The following IGF2BP3 variants were observed in gnomAD, a reference collection of about 807,000 sequenced individuals.
IGF2BP3 encodes the protein insulin like growth factor 2 mRNA binding protein 3.
IGF2BP3 carries 9 observed loss-of-function variants against 73.8 expected under a neutral mutation model. The observed-to-expected ratio is 0.12, with a 90% confidence interval of 0.07 to 0.21. IGF2BP3 has a LOEUF of 0.21. Among genes scored for constraint, IGF2BP3 ranks in the 10% least tolerant of loss-of-function variants. The pLI, the probability that IGF2BP3 is intolerant of heterozygous loss-of-function variation, is 1.00. For synonymous variants in IGF2BP3, 258 were observed against 256.7 expected (o/e 1.01, Z -0.05); for missense variants, 542 against 714.0 (o/e 0.76, Z 2.75).
At chr7:23,439,030 T>C (rs1324409760) in intron 2 of IGF2BP3, among the ~76,000 whole-genome samples, 2 of 151,106 alleles carry the variant, frequency 1.3e-5, no homozygotes, top group Admixed American at 6.6e-5. Context: ...ATCACTTCAG[T>C]CCAGGAGCTA....
chr7:23,357,937 C>T (rs889736259), intron 5 of IGF2BP3, among the ~76,000 whole-genome samples: 8 of 152,218 alleles, frequency 5.3e-5, no homozygotes, highest in Non-Finnish European at 1.0e-4. Context: ...TGCCTGGCTC[C>T]TCAGCATCAG....
At position 23,314,406 on chromosome 7, in the gene IGF2BP3, G is replaced by A. The variant is rs113703090; in HGVS notation, c.1396-753C>T. ...TCACCATGTTGGTCAGGCTGGTCTCGAACTCCTGACTTCAAGTGATGTGCC... is the reference window on the plus strand; with the variant it reads ...TCACCATGTTGGTCAGGCTGGTCTCAAACTCCTGACTTCAAGTGATGTGCC... On this transcript the variant is annotated intron_variant, in intron 12 of 14. Transcript: ENST00000258729. 0.011 allele frequency among the ~76,000 whole-genome samples: 1,608 copies of A among 151,558 alleles called. 75 individuals carry two copies. In the East Asian group the frequency reaches 0.16, roughly 15 times the overall value.
At chr7:23,450,866 T>C (rs970187131) in intron 2 of IGF2BP3, 3 of 152,184 alleles carry the variant, frequency 2.0e-5, no homozygotes, top group African/African-American at 7.2e-5. Flanking sequence ...CATAGTGAGA[T>C]CCTGTCTCAA....
chr7:23,416,605 A>G (rs1315372423), intron 3 of IGF2BP3, among the ~76,000 whole-genome samples: 1 of 152,284 alleles, frequency 6.6e-6, no homozygotes, highest in African/African-American at 2.4e-5. Context: ...TAGAAGGTAC[A>G]TAAGGTCCGG....
At chr7:23,336,122 C>G (rs1174652783) in intron 10 of IGF2BP3, among the ~76,000 whole-genome samples, 2 of 150,138 alleles carry the variant, frequency 1.3e-5, no homozygotes, top group African/African-American at 4.9e-5. Context: ...TGCTACAAAG[C>G]AGGAATGAGA....
intron 10 of IGF2BP3, among the ~76,000 whole-genome samples, 188 bp downstream of exon 10, chr7:23,341,876 G>C (rs1368410515): frequency 6.6e-6 from 1 of 152,120 alleles, no homozygotes; most frequent in Admixed American, 6.6e-5. Context: ...GAAAACACAT[G>C]TTGACAACCC....
intron 2 of IGF2BP3, among the ~76,000 whole-genome samples, chr7:23,428,150 T>G (rs1787565928): frequency 6.6e-6 from 1 of 151,940 alleles, no homozygotes; most frequent in African/African-American, 2.4e-5. Flanking sequence ...CACTCCCGCC[T>G]TAAGAGACAG....
At chr7:23,320,270 G>A (rs1376400358) in intron 10 of IGF2BP3, among the ~76,000 whole-genome samples, 1 of 152,100 alleles carries the variant, frequency 6.6e-6, no homozygotes, top group East Asian at 1.9e-4. Context: ...ACTCCTGAAA[G>A]GTCATTCATA....
At chr7:23,427,452 A>G (rs1211288691) in intron 2 of IGF2BP3, among the ~76,000 whole-genome samples, 1 of 152,206 alleles carries the variant, frequency 6.6e-6, no homozygotes, top group Non-Finnish European at 1.5e-5. Context: ...TCTCTGCTTT[A>G]AGAGGAGTCC....
At chr7:23,398,837 A>C (rs1786566618) in intron 3 of IGF2BP3, among the ~76,000 whole-genome samples, 1 of 152,044 alleles carries the variant, frequency 6.6e-6, no homozygotes, top group Non-Finnish European at 1.5e-5. Flanking sequence ...AGGTTGCAAA[A>C]ATTTTCTCCC....
chr7:23,400,513 C>T (rs568464037), intron 3 of IGF2BP3, among the ~76,000 whole-genome samples: 13 of 152,268 alleles, frequency 8.5e-5, no homozygotes, highest in East Asian at 1.9e-4. Flanking sequence ...CCAAAAGGGG[C>T]CATTCTGACT....
intron 3 of IGF2BP3, among the ~76,000 whole-genome samples, chr7:23,380,519 C>G (rs1387210952): frequency 2.0e-5 from 3 of 152,110 alleles, no homozygotes; most frequent in African/African-American, 7.2e-5. Flanking sequence ...TAATATGGTT[C>G]AAGACTGTCA....
Position 23,358,755 on chromosome 7 carries a change from A to AT in IGF2BP3, c.401+2778dup, listed in dbSNP as rs938452192. ...TTAAAAGCTTATTAGAAAACTGATAATTTTTTTACCACTGTAACACAAAAC... is the reference window on the plus strand; with the variant it reads ...TTAAAAGCTTATTAGAAAACTGATAATTTTTTTTACCACTGTAACACAAAAC... On this transcript the variant is annotated intron_variant, in intron 5 of 14. Transcript: ENST00000258729. Among the ~76,000 whole-genome samples, 17 of 152,284 alleles carry AT rather than the reference A, an allele frequency of 1.1e-4. No homozygotes were observed. In the East Asian group the frequency reaches 1.2e-3, roughly 10 times the overall value.
intron 10 of IGF2BP3, among the ~76,000 whole-genome samples, chr7:23,327,511 G>T (rs1447396101): frequency 6.6e-6 from 1 of 152,014 alleles, no homozygotes; most frequent in African/African-American, 2.4e-5. Flanking sequence ...TCGATCTCCT[G>T]ACCTCGTGAT....
Position 23,469,543 on chromosome 7 carries a change from G to A in IGF2BP3, c.175+393C>T, listed in dbSNP as rs1788656557. On this transcript the variant is annotated intron_variant, in intron 1 of 14. Transcript: ENST00000258729. The surrounding 1 kb of genome is among the most constrained non-coding windows in gnomAD (Gnocchi z 6.1). ...GACAGCGCCGTAAATAACGACCGAG[G>A]AAAGCAGGAAGGAACGAGGCACAGG... The A allele has an allele frequency of 6.5e-6, 1 of 153,080 alleles. No individual in the cohort carries two copies. The highest frequency in any genetic ancestry group is 1.5e-5 in the Non-Finnish European group (1 of 68,714). The allele number at this position is 153,080 out of a possible 1,614,324, so 9.5% of individuals were successfully genotyped here. A position where few individuals can be genotyped will look rare whatever the true frequency, so the allele number is the denominator to read the frequency against.
At chr7:23,364,476 A>T (rs556649217) in intron 3 of IGF2BP3, among the ~76,000 whole-genome samples, 292 of 130,582 alleles carry the variant, frequency 2.2e-3, no homozygotes, top group Non-Finnish European at 4.0e-3. Flanking sequence ...TGAACCTGGG[A>T]GGTGGAGATT....
At position 23,470,211 on chromosome 7, in the gene IGF2BP3, T is replaced by A. The variant is rs2128553800; in HGVS notation, c.-101A>T. 1 of 922,036 alleles carries A rather than the reference T, an allele frequency of 1.1e-6. No homozygotes were observed. The highest frequency in any genetic ancestry group is 2.6e-5 in the East Asian group (1 of 39,080). The allele number at this position is 922,036 out of a possible 1,614,324, so 57.1% of individuals were successfully genotyped here. A position where few individuals can be genotyped will look rare whatever the true frequency, so the allele number is the denominator to read the frequency against. On this transcript the variant is annotated 5_prime_UTR_variant, in exon 1 of 15. Coordinates refer to ENST00000258729, the MANE Select transcript of IGF2BP3 (RefSeq NM_006547.3). ...CCAGCTGGTTTTGTTCCCCTCGTCT[T>A]CTCGCCTTTAAAATACACAAACACA...
chr7:23,457,106 CAAATTT>C (rs561130252), intron 2 of IGF2BP3, among the ~76,000 whole-genome samples: 3 of 151,934 alleles, frequency 2.0e-5, no homozygotes, highest in Admixed American at 2.0e-4. Flanking sequence ...AGAGAGCTTT[CAAATTT>C]AAATGTCCAC....
rs551633177 is a variant in IGF2BP3, at chr7:23,338,427, G to A, written c.1203+3637C>T. On this transcript the variant is annotated intron_variant, in intron 10 of 14. Transcript: ENST00000258729. ...TCCCAGCTACTTGGGAGTCAGAGGT[G>A]GGAGGATCACTTGCACCCAGGAGTT... 6.6e-5 allele frequency among the ~76,000 whole-genome samples: 10 copies of A among 152,226 alleles called. No homozygotes were observed. The South Asian group carries it at 2.1e-3, about 32-fold the overall frequency.
Sources: allele counts gnomAD v4.1 joint callset (sites outside exome capture counted in the v4.1 genomes callset), GRCh38; gene constraint gnomAD v4.1.1; non-coding constraint Gnocchi (gnomAD v3.1); transcripts MANE v1.5; gene names NCBI Gene and HGNC (gene_info 2026-07-23, HGNC 2026-07-21).